ZNF345: variants seen among roughly 807,000 people sequenced by gnomAD.
ZNF345 encodes the protein zinc finger protein 345.
For synonymous variants in ZNF345, 166 were observed against 187.9 expected (o/e 0.88, Z 0.95); for missense variants, 527 against 589.9 (o/e 0.89, Z 1.10).
downstream of ZNF345, among the ~76,000 whole-genome samples, chr19:36,882,870 G>A (rs551912905): frequency 2.0e-5 from 3 of 151,970 alleles, no homozygotes; most frequent in African/African-American, 4.8e-5. Context: ...ATTATATTAA[G>A]CTTCGTGATT....
chr19:36,877,100 T>G lies in ZNF345; in HGVS notation c.270T>G (p.Tyr90Ter). ...GAATTCATACTGGTGAGAAACCTTA[T>G]GAATGCAAAGAATGTGGCAAGGCCT... ...HQRIHTGEKP[Y>*]ECKECGKAFG... Residue 90 changes from tyrosine to a stop codon, truncating the protein, a stop_gained, in exon 3 of 3, where the codon TAT (tyrosine) becomes TAG (stop). Transcript: ENST00000420450. LOFTEE classifies it low-confidence loss of function (END_TRUNC). 3.7e-6 allele frequency: 6 copies of G among 1,614,176 alleles called. No homozygotes were observed. Among genetic ancestry groups the G allele is most frequent in the Non-Finnish European group, 5.1e-6 (6 of 1,180,012 alleles).
chr19:36,868,248 C>T lies in ZNF345; in HGVS notation c.-46-8537C>T, dbSNP rs78633909. Among the ~76,000 whole-genome samples the T allele has an allele frequency of 5.3e-3, 811 of 152,178 alleles. 21 individuals are homozygous for T. The highest frequency in any genetic ancestry group is 0.038 in the Admixed American group (578 of 15,296). On this transcript the variant is annotated intron_variant, in intron 2 of 2. Coordinates refer to ENST00000420450, the MANE Select transcript of ZNF345 (RefSeq NM_001242472.2). ...CAAACTCCTGACCTTGTGATCCACC[C>T]GCCTTGGCCTCCCAAAGTGCTGGGA...
chr19:36,865,541 A>T (rs983317061), intron 2 of ZNF345, among the ~76,000 whole-genome samples: 28 of 152,000 alleles, frequency 1.8e-4, no homozygotes, highest in African/African-American at 6.5e-4. Context: ...GCTCACTGCA[A>T]CCTCCACCTC....
rs1314798394 is a variant in ZNF345 at position 36,877,895 on chromosome 19, A to G, written c.1065A>G (p.Ser355=). The part of the protein sequence containing the change: ...KECGKTFSSG[S]DLTQHHRIHT... ...GTGGGAAGACCTTTAGTAGTGGTTC[A>G]GACCTTACTCAACATCACAGAATTC... The change falls in exon 3 of 3, where the codon TCA becomes TCG. Residue 355 remains serine (S), a synonymous_variant. Coordinates refer to ENST00000420450, the MANE Select transcript of ZNF345 (RefSeq NM_001242472.2). 2 of 1,614,114 alleles carry G rather than the reference A, an allele frequency of 1.2e-6. No individual in the cohort carries two copies. Among genetic ancestry groups the G allele is most frequent in the African/African-American group, 1.3e-5 (1 of 75,040 alleles).
At chr19:36,865,477 TAGAGAC>T (rs2072639316) in intron 2 of ZNF345, among the ~76,000 whole-genome samples, 1 of 152,152 alleles carries the variant, frequency 6.6e-6, no homozygotes. Context: ...TATTTATTGA[TAGAGAC>T]AGAGTCTCAC....
At chr19:36,871,789 T>C (rs1754727742) in intron 2 of ZNF345, among the ~76,000 whole-genome samples, 2 of 152,104 alleles carry the variant, frequency 1.3e-5, no homozygotes, top group Admixed American at 6.6e-5. Context: ...TTTTTTGAGA[T>C]GGAGTTTCAC....
At chr19:36,875,911 T>C (rs146762057) in intron 2 of ZNF345, among the ~76,000 whole-genome samples, 393 of 152,328 alleles carry the variant, frequency 2.6e-3, no homozygotes, top group Non-Finnish European at 4.1e-3. Context: ...AGTTACTTTA[T>C]GCAAGTATGT....
intron 2 of ZNF345, among the ~76,000 whole-genome samples, chr19:36,865,534 C>T (rs2072640899): frequency 6.6e-6 from 1 of 152,136 alleles, no homozygotes; most frequent in South Asian, 2.1e-4. Flanking sequence ...GATCTCGGCT[C>T]ACTGCAACCT....
At chr19:36,852,033 G>A (rs1600682349) in intron 2 of ZNF345, 129 bp downstream of exon 2, 2 of 151,460 alleles carry the variant, frequency 1.3e-5, no homozygotes, top group Admixed American at 1.3e-4. Flanking sequence ...TTGAGAAAAT[G>A]TGGTGTCTTC....
chr19:36,883,664 G>A (rs577929682), downstream of ZNF345, among the ~76,000 whole-genome samples: 1 of 152,256 alleles, frequency 6.6e-6, no homozygotes, highest in South Asian at 2.1e-4. Context: ...CCATTGCCCA[G>A]AAATAGCCCC....
At chr19:36,864,006 A>T (rs922655078) in intron 2 of ZNF345, among the ~76,000 whole-genome samples, 2 of 152,248 alleles carry the variant, frequency 1.3e-5, no homozygotes, top group Non-Finnish European at 2.9e-5. Flanking sequence ...AAAAGGCATG[A>T]CCAAACTAAT....
At chr19:36,856,713 G>A (rs540088622) in intron 2 of ZNF345, among the ~76,000 whole-genome samples, 1 of 152,064 alleles carries the variant, frequency 6.6e-6, no homozygotes, top group East Asian at 1.9e-4. Flanking sequence ...AAAATTAGCC[G>A]GGCATGGTGG....
At position 36,892,719 on chromosome 19, in the gene ZNF345, C is replaced by T. The variant is rs922083404; in HGVS notation, c.47-99C>T. On this transcript the variant is annotated intron_variant, in intron 3 of 3. Coordinates refer to the ZNF345 transcript ENST00000526123. ...CTCAAATTTTGGTCTGAACCAGAGTCACCTTAAGCCTTGGTGAATACACAG... is the reference window on the plus strand; with the variant it reads ...CTCAAATTTTGGTCTGAACCAGAGTTACCTTAAGCCTTGGTGAATACACAG... 11 of 566,858 alleles carry T rather than the reference C, an allele frequency of 1.9e-5. No individual in the cohort carries two copies. In the African/African-American group the frequency reaches 2.1e-4, roughly 11 times the overall value. 35.1% of individuals were successfully genotyped at this position (566,858 alleles called of 1,614,324 possible).
intron 2 of ZNF345, among the ~76,000 whole-genome samples, chr19:36,865,681 C>T (rs894087211): frequency 1.3e-5 from 2 of 152,110 alleles, no homozygotes; most frequent in Non-Finnish European, 2.9e-5. Flanking sequence ...TTGAATTTTT[C>T]CATATAGGCA....
chr19:36,886,993 CA>C (rs57034209), intron 3 of ZNF345, among the ~76,000 whole-genome samples: 191 of 40,796 alleles, frequency 4.7e-3, no homozygotes, highest in East Asian at 0.01. Context: ...GACTCCGTCT[CA>C]AAAAAAAAAA....
intron 2 of ZNF345, among the ~76,000 whole-genome samples, chr19:36,854,806 T>G (rs186715807): frequency 6.6e-6 from 1 of 152,140 alleles, no homozygotes; most frequent in Admixed American, 6.5e-5. Flanking sequence ...GCCTGCTTTT[T>G]CGTTATCTTT....
chr19:36,874,565 G>A (rs2072844076), intron 2 of ZNF345, among the ~76,000 whole-genome samples: 1 of 151,516 alleles, frequency 6.6e-6, no homozygotes, highest in Non-Finnish European at 1.5e-5. Context: ...TTGGGAGGCT[G>A]AGGTCGGGAG....
At chr19:36,856,266 G>A (rs984176147) in intron 2 of ZNF345, among the ~76,000 whole-genome samples, 11 of 152,116 alleles carry the variant, frequency 7.2e-5, no homozygotes, top group South Asian at 2.1e-4. Flanking sequence ...GTGACTTTCC[G>A]TTCTCTTATA....
At chr19:36,891,544 G>GC in intron 3 of ZNF345, 1 of 1,606,032 alleles carries the variant, frequency 6.2e-7, no homozygotes, top group Non-Finnish European at 8.5e-7. Flanking sequence ...ACTACCAAAA[G>GC]CCTTTCCACA....
Sources: allele counts gnomAD v4.1 joint callset (sites outside exome capture counted in the v4.1 genomes callset), GRCh38; gene constraint gnomAD v4.1.1; transcripts MANE v1.5; gene names NCBI Gene and HGNC (gene_info 2026-07-23, HGNC 2026-07-21).